The following MYOC variants were observed in gnomAD, a reference collection of about 807,000 sequenced individuals.
The protein encoded by MYOC is juvenile-onset open-angle glaucoma 1.
Under a neutral mutation model 28.2 loss-of-function variants are expected in MYOC, and 29 were observed. That is an observed-to-expected ratio of 1.03 (90% CI 0.77 to 1.40). The LOEUF is 1.40. MYOC is among the 40% of genes most tolerant of loss of function. The pLI, the probability that MYOC is intolerant of heterozygous loss-of-function variation, is 0.00. For missense variants in MYOC, 569 were observed against 620.6 expected (o/e 0.92, Z 0.88); for synonymous variants, 240 against 245.6 (o/e 0.98, Z 0.21).
Position 171,644,337 on chromosome 1 carries a change from C to G in MYOC, c.605-5615G>C, listed in dbSNP as rs534875922. ...CTCCCCTGCATCTGGCCCCTTTACACATACAAAATGATGTATTTTATGCTG... is the reference window on the plus strand; with the variant it reads ...CTCCCCTGCATCTGGCCCCTTTACAGATACAAAATGATGTATTTTATGCTG... On this transcript the variant is annotated intron_variant, in intron 1 of 2. Coordinates refer to ENST00000037502, the MANE Select transcript of MYOC (RefSeq NM_000261.2). 1.2e-3 allele frequency among the ~76,000 whole-genome samples: 187 copies of G among 151,638 alleles called. 1 individual carries two copies. Among genetic ancestry groups the G allele is most frequent in the African/African-American group, 4.0e-3 (166 of 41,326 alleles).
chr1:171,635,800 T>C lies in MYOC; in HGVS notation c.*125A>G. ...GGTGACCATGTTCATCCTTCTGGAT[T>C]AATGAAAACTTGGAAAGCAGTCAAA... On this transcript the variant is annotated 3_prime_UTR_variant, in exon 3 of 3. Coordinates refer to ENST00000037502, the MANE Select transcript of MYOC (RefSeq NM_000261.2). 1.1e-6 allele frequency: 1 copy of C among 920,404 alleles called. No homozygotes were observed. The highest frequency in any genetic ancestry group is 1.7e-6 in the Non-Finnish European group (1 of 583,578). The allele number at this position is 920,404 out of a possible 1,614,324, so 57.0% of individuals were successfully genotyped here.
At chr1:171,647,516 C>G (rs561820424) in intron 1 of MYOC, among the ~76,000 whole-genome samples, 3 of 152,226 alleles carry the variant, frequency 2.0e-5, no homozygotes, top group African/African-American at 7.2e-5. Flanking sequence ...GAGCGAGACT[C>G]CATCTTCAAA....
chr1:171,651,350 C>CCCA (rs1653346893), intron 1 of MYOC, among the ~76,000 whole-genome samples: 1 of 146,784 alleles, frequency 6.8e-6, no homozygotes, highest in Admixed American at 6.9e-5. Flanking sequence ...CGCACCCCCC[C>CCCA]CACACACACA....
intron 1 of MYOC, among the ~76,000 whole-genome samples, chr1:171,640,629 G>A (rs949709481): frequency 6.6e-6 from 1 of 152,154 alleles, no homozygotes; most frequent in Admixed American, 6.5e-5. Flanking sequence ...AGCTACTTGG[G>A]AGGCTGAGGT....
At chr1:171,641,044 C>T (rs10913372) in intron 1 of MYOC, among the ~76,000 whole-genome samples, 7,743 of 152,110 alleles carry the variant, frequency 0.051, 343 homozygotes, top group African/African-American at 0.11. Context: ...TAATTTAAAC[C>T]GTGGACCTTG....
intron 1 of MYOC, among the ~76,000 whole-genome samples, chr1:171,641,980 C>T (rs1653087297): frequency 6.6e-6 from 1 of 152,252 alleles, no homozygotes; most frequent in Admixed American, 6.5e-5. Context: ...TTTACATTTT[C>T]ACATCTCCAG....
At chr1:171,646,316 A>G (rs926688155) in intron 1 of MYOC, among the ~76,000 whole-genome samples, 7 of 152,214 alleles carry the variant, frequency 4.6e-5, no homozygotes, top group African/African-American at 1.4e-4. Context: ...ATAAGTAACT[A>G]TAAATGAAAT....
intron 1 of MYOC, among the ~76,000 whole-genome samples, chr1:171,645,085 T>C (rs116731847): frequency 6.6e-6 from 1 of 152,158 alleles, no homozygotes; most frequent in South Asian, 2.1e-4. Flanking sequence ...AGCGCGATGT[T>C]GAACTATCTC....
At position 171,652,065 on chromosome 1, in the gene MYOC, C is replaced by T. The variant is rs777142456; in HGVS notation, c.547G>A (p.Gly183Ser). 1.6e-5 allele frequency: 26 copies of T among 1,614,006 alleles called. No homozygotes were observed. The East Asian group carries it at 5.3e-4, about 33-fold the overall frequency. ...SSQEVARLRR[G>S]QCPQTRDTAR... ...GTGTCTCGGGTCTGGGGACACTGGCCCCTTCTCAGCCTTGCTACCTCCTGG... is the reference window on the plus strand; with the variant it reads ...GTGTCTCGGGTCTGGGGACACTGGCTCCTTCTCAGCCTTGCTACCTCCTGG... The change falls in exon 1 of 3, where the codon GGC becomes AGC. Residue 183 changes from glycine (G) to serine (S), a missense_variant. Gly to Ser is a moderately conservative substitution (Grantham distance 56, BLOSUM62 0). Coordinates refer to ENST00000037502, the MANE Select transcript of MYOC (RefSeq NM_000261.2).
At position 171,649,730 on chromosome 1, in the gene MYOC, G is replaced by A. The variant is rs112693763; in HGVS notation, c.604+2278C>T. 5.9e-3 allele frequency among the ~76,000 whole-genome samples: 903 copies of A among 152,268 alleles called. 12 individuals are homozygous for A. Among genetic ancestry groups the A allele is most frequent in the African/African-American group, 0.021 (870 of 41,542 alleles). ...GAATTGCTTGAACCCGGGAGGCAGA[G>A]GTTTCAGTGAGCCAAGATCGTGCCA... is the stretch of plus-strand genomic sequence containing the variant. On this transcript the variant is annotated intron_variant, in intron 1 of 2. Transcript: ENST00000037502.
chr1:171,636,871 C>T (rs1056433683), intron 2 of MYOC, among the ~76,000 whole-genome samples, 162 bp from the exon 3 acceptor site: 1 of 152,194 alleles, frequency 6.6e-6, no homozygotes, highest in Non-Finnish European at 1.5e-5. Context: ...GGCTGTGTGA[C>T]TTTCAGTAAG....
intron 1 of MYOC, among the ~76,000 whole-genome samples, chr1:171,650,102 A>G (rs898767352): frequency 1.3e-5 from 2 of 152,160 alleles, no homozygotes; most frequent in African/African-American, 4.8e-5. Context: ...GATCAAGAAA[A>G]AATATAAAAT....
chr1:171,650,589 A>G (rs1653330440), intron 1 of MYOC, among the ~76,000 whole-genome samples: 1 of 152,212 alleles, frequency 6.6e-6, no homozygotes, highest in Non-Finnish European at 1.5e-5. Flanking sequence ...TAACTTGCCC[A>G]AGGTCATCCC....
In MYOC at chr1:171,636,586, G is replaced by A. The variant is rs754051534; in HGVS notation, c.854C>T (p.Thr285Met). 39 of 1,611,430 alleles carry A rather than the reference G, an allele frequency of 2.4e-5. No homozygotes were observed. Among genetic ancestry groups the A allele is most frequent in the Admixed American group, 1.2e-4 (7 of 59,840 alleles). The change falls in exon 3 of 3, where the codon ACG (threonine) becomes ATG (methionine). Residue 285 changes from threonine (T) to methionine (M), a missense_variant. Coordinates refer to ENST00000037502, the MANE Select transcript of MYOC (RefSeq NM_000261.2). Reference protein sequence around the residue: ...KPTYPYTQETTWRIDTVGTDV... With the variant: ...KPTYPYTQETMWRIDTVGTDV... ...CGTGCCAACTGTGTCGATTCTCCAC[G>A]TGGTCTCCTGGGTGTAGGGGTAGGT...
At chr1:171,651,071 T>C (rs1040212677) in intron 1 of MYOC, among the ~76,000 whole-genome samples, 2 of 152,162 alleles carry the variant, frequency 1.3e-5, no homozygotes, top group African/African-American at 2.4e-5. Context: ...AAGACACCAA[T>C]CAAGACTCAT....
chr1:171,639,327 G>A (rs776611101), intron 1 of MYOC, among the ~76,000 whole-genome samples: 11 of 152,100 alleles, frequency 7.2e-5, no homozygotes, highest in South Asian at 2.1e-4. Context: ...ATAATAAATT[G>A]CAGGGCAATG....
intron 1 of MYOC, among the ~76,000 whole-genome samples, chr1:171,641,121 C>T (rs1653068699): frequency 6.6e-6 from 1 of 151,998 alleles, no homozygotes; most frequent in Non-Finnish European, 1.5e-5. Flanking sequence ...TGATGATAAT[C>T]GGGGAGGCTG....
intron 1 of MYOC, among the ~76,000 whole-genome samples, chr1:171,640,626 T>C (rs1410928566): frequency 2.0e-5 from 3 of 152,184 alleles, no homozygotes; most frequent in Non-Finnish European, 4.4e-5. Context: ...CCCAGCTACT[T>C]GGGAGGCTGA....
intron 2 of MYOC, among the ~76,000 whole-genome samples, chr1:171,637,095 A>G (rs1572211164): frequency 6.6e-6 from 1 of 152,190 alleles, no homozygotes; most frequent in Non-Finnish European, 1.5e-5. Context: ...AGTGGGAGCT[A>G]TAAAATATTT....
Sources: gnomAD v4.1 joint callset for allele counts (sites outside exome capture counted in the v4.1 genomes callset) on GRCh38, gnomAD v4.1.1 for gene constraint, MANE v1.5 for transcripts, NCBI Gene and HGNC (gene_info 2026-07-23, HGNC 2026-07-21) for gene names.